The following BDP1 variants were observed in gnomAD, a reference collection of about 807,000 sequenced individuals.
The protein encoded by BDP1 is transcription factor TFIIIB component B'' homolog.
In BDP1, 169 loss-of-function variants were observed where a neutral mutation model predicts 266.6. The ratio of observed to expected loss-of-function variants is 0.63; its 90% confidence interval spans 0.56 to 0.72. The LOEUF is 0.72. Ranked by LOEUF, BDP1 falls within the 30% of genes least tolerant of loss-of-function variation. The pLI is 0.00. For missense variants in BDP1, 3,015 were observed against 3,053.8 expected, an observed-to-expected ratio of 0.99 and a Z score of 0.30; for synonymous variants, 1,090 against 1,022.4, an observed-to-expected ratio of 1.07 and a Z score of -1.26.
chr5:71,523,908 G>T, intron 24 of BDP1, 31 bp from the exon 25 acceptor site: 1 of 1,563,860 alleles, frequency 6.4e-7, no homozygotes, highest in South Asian at 1.2e-5. Context: ...GCATGCATAT[G>T]ACCTTATTGT....
chr5:71,500,315 TC>T (rs1474268124), intron 13 of BDP1, among the ~76,000 whole-genome samples: 32 of 107,920 alleles, frequency 3.0e-4, no homozygotes, highest in African/African-American at 8.5e-4. Flanking sequence ...TAATCTTGTT[TC>T]TTTTTTTTTT....
In BDP1 at chr5:71,483,874, A is replaced by G. The variant is rs756854042; in HGVS notation, c.1047A>G (p.Gly349=). 6.2e-7 allele frequency: 1 copy of G among 1,611,326 alleles called. No homozygotes were observed. Among genetic ancestry groups the G allele is most frequent in the Non-Finnish European group, 8.5e-7 (1 of 1,177,938 alleles). Residue 349 remains glycine, a synonymous_variant, in exon 8 of 39, where the codon GGA becomes GGG. Transcript: ENST00000358731. ...TTAAACGGGAAGAGAAAACAAATGGATGGAGAATAGACAAAGCATTCCGTA... is the reference window on the plus strand; with the variant it reads ...TTAAACGGGAAGAGAAAACAAATGGGTGGAGAATAGACAAAGCATTCCGTA... ...NKFKREEKTN[G]WRIDKAFQEK...
the BDP1 span, among the ~76,000 whole-genome samples, chr5:71,575,574 C>A: frequency 6.6e-6 from 1 of 152,206 alleles, no homozygotes; most frequent in Admixed American, 6.5e-5. Context: ...GGGCACCTTA[C>A]AGAAAGGTTT....
Position 71,523,049 on chromosome 5 carries a change from C to T in BDP1, c.5387+100C>T, listed in dbSNP as rs968992710. The T allele has an allele frequency of 2.0e-5, 18 of 896,610 alleles. 1 individual carries two copies. The African/African-American group carries it at 2.4e-4, about 12-fold the overall frequency. 55.5% of individuals were successfully genotyped at this position (896,610 alleles called of 1,614,324 possible). ...GAACAAAATTTTTGGGTGTTGAGTCCATTAGACATGGGTAGAAACTTGACC... is the reference window on the plus strand; with the variant it reads ...GAACAAAATTTTTGGGTGTTGAGTCTATTAGACATGGGTAGAAACTTGACC... On this transcript the variant is annotated intron_variant, in intron 24 of 38. Transcript: ENST00000358731.
intron 14 of BDP1, 88 bp downstream of exon 14, chr5:71,501,741 T>C (rs1764249900): frequency 1.2e-6 from 1 of 814,376 alleles, no homozygotes; most frequent in South Asian, 1.7e-5. Flanking sequence ...CTTAATAAGG[T>C]CTGAATTTAA....
chr5:71,462,715 C>T (rs1761655559), intron 3 of BDP1, among the ~76,000 whole-genome samples: 1 of 152,040 alleles, frequency 6.6e-6, no homozygotes, highest in Non-Finnish European at 1.5e-5. Flanking sequence ...GTTCATGCCA[C>T]TGCATTCTGG....
At chr5:71,468,200 G>T (rs1762017179) in intron 6 of BDP1, among the ~76,000 whole-genome samples, 1 of 151,974 alleles carries the variant, frequency 6.6e-6, no homozygotes, top group African/African-American at 2.4e-5. Flanking sequence ...TGTATTTTTA[G>T]TAGAGATGGG....
At chr5:71,461,204 T>G (rs1761537634) in intron 2 of BDP1, among the ~76,000 whole-genome samples, 1 of 152,098 alleles carries the variant, frequency 6.6e-6, no homozygotes. Flanking sequence ...GGCTGGTAAC[T>G]CCTGAGCTCA....
intron 16 of BDP1, among the ~76,000 whole-genome samples, chr5:71,508,265 A>G (rs1764692041): frequency 1.3e-5 from 2 of 152,086 alleles, no homozygotes; most frequent in South Asian, 4.1e-4. Context: ...TGCCCAGCCT[A>G]GCATACTTTT....
chr5:71,521,183 G>A (rs1329047698), intron 22 of BDP1, among the ~76,000 whole-genome samples: 21 of 135,840 alleles, frequency 1.5e-4, no homozygotes, highest in African/African-American at 5.4e-4. Flanking sequence ...GCGAAACTCC[G>A]TCTCAAAAAA....
rs554659765 is a variant in BDP1 at position 71,517,396 on chromosome 5, A to C, written c.4935A>C (p.Gln1645His). The part of the protein sequence containing the change: ...AVPEHRMYEN[Q>H]SQVVLVENLH... ...CAGAACACAGAATGTATGAAAATCA[A>C]AGTCAGGTGGTTCTTGTAGAAAACC... Residue 1645 changes from glutamine to histidine, a missense_variant, in exon 22 of 39, where the codon CAA (glutamine) becomes CAC (histidine). By Grantham distance (24) the Gln-to-His change is conservative. Coordinates refer to ENST00000358731, the MANE Select transcript of BDP1 (RefSeq NM_018429.3). The C allele has an allele frequency of 6.2e-7, 1 of 1,606,422 alleles. No individual in the cohort carries two copies. Among genetic ancestry groups the C allele is most frequent in the East Asian group, 2.2e-5 (1 of 44,634 alleles).
At chr5:71,577,577 T>C in the BDP1 span, among the ~76,000 whole-genome samples, 2 of 119,888 alleles carry the variant, frequency 1.7e-5, no homozygotes, top group Non-Finnish European at 3.9e-5. Flanking sequence ...TGAGTATCCA[T>C]GGGATCTTGT....
chr5:71,499,966 T>G (rs1764129580), intron 13 of BDP1, among the ~76,000 whole-genome samples: 1 of 152,210 alleles, frequency 6.6e-6, no homozygotes, highest in African/African-American at 2.4e-5. Context: ...TTAAAAAATT[T>G]TCTGGTATGT....
chr5:71,573,630 G>T, the BDP1 span, among the ~76,000 whole-genome samples: 1 of 152,208 alleles, frequency 6.6e-6, no homozygotes, highest in Non-Finnish European at 1.5e-5. Context: ...TTGTCTGCTA[G>T]TGCATATCTG....
intron 37 of BDP1, among the ~76,000 whole-genome samples, chr5:71,560,634 A>G (rs1743578757): frequency 6.6e-6 from 1 of 152,220 alleles, no homozygotes; most frequent in Non-Finnish European, 1.5e-5. Context: ...CAAACCAAAG[A>G]GGTAAACCAT....
At position 71,534,978 on chromosome 5, in the gene BDP1, T is replaced by TA. The variant is rs1766499439; in HGVS notation, c.5892+2551_5892+2552insA. Among the ~76,000 whole-genome samples the TA allele has an allele frequency of 3.3e-5, 5 of 152,186 alleles. No individual in the cohort carries two copies. In the South Asian group the frequency reaches 1.0e-3, roughly 32 times the overall value. On this transcript the variant is annotated intron_variant, in intron 26 of 38. Transcript: ENST00000358731. Reference sequence around the variant, plus strand: ...CTTAATTTCATTTTTGGATTGTTCGTTGCAAGTGTGTAGAAATAAAAATGA... The same window carrying TA: ...CTTAATTTCATTTTTGGATTGTTCGTATGCAAGTGTGTAGAAATAAAAATGA...
At chr5:71,551,157 C>T (rs557586398) in intron 34 of BDP1, among the ~76,000 whole-genome samples, 4 of 151,340 alleles carry the variant, frequency 2.6e-5, no homozygotes, top group African/African-American at 7.3e-5. Context: ...GTGTTTCTCG[C>T]AGAGGGGGAT....
intron 1 of BDP1, among the ~76,000 whole-genome samples, chr5:71,457,109 A>G (rs1270045654): frequency 1.3e-5 from 2 of 152,170 alleles, no homozygotes; most frequent in African/African-American, 4.8e-5. Flanking sequence ...CTGTTACATT[A>G]ATAAAGTTCT....
intron 8 of BDP1, among the ~76,000 whole-genome samples, chr5:71,485,239 G>A (rs986071249): frequency 3.9e-5 from 6 of 152,106 alleles, no homozygotes; most frequent in African/African-American, 1.2e-4. Flanking sequence ...CTTTTCAGCC[G>A]AAGAATTCGA....
Sources: gnomAD v4.1 joint callset for allele counts (sites outside exome capture counted in the v4.1 genomes callset) on GRCh38, gnomAD v4.1.1 for gene constraint, MANE v1.5 for transcripts, NCBI Gene and HGNC (gene_info 2026-07-23, HGNC 2026-07-21) for gene names.